Variants in ENTPD7 observed in about 807,000 individuals in gnomAD.
ENTPD7 encodes the protein NTPDase 7.
ENTPD7 carries 53 observed loss-of-function variants against 77.9 expected under a neutral mutation model. That is an observed-to-expected ratio of 0.68 (90% CI 0.55 to 0.85). ENTPD7 has a LOEUF of 0.85. ENTPD7 is among the 40% of genes least tolerant of loss of function. The pLI, the probability that ENTPD7 is intolerant of heterozygous loss-of-function variation, is 0.00. For missense variants in ENTPD7, 636 were observed against 743.7 expected (o/e 0.86, Z 1.68); for synonymous variants, 248 against 274.9 (o/e 0.90, Z 0.97).
rs183903669 is a variant in ENTPD7 at position 99,699,955 on chromosome 10, A to C, written c.1336-1018A>C. ...TCTTACAATTCTCTAGGGTTCTCTT[A>C]GTGTAAGGCTTCCAGCAAAATAATA... On this transcript the variant is annotated intron_variant, in intron 10 of 12. Transcript: ENST00000370489. Among the ~76,000 whole-genome samples the C allele has an allele frequency of 9.7e-5, 14 of 144,140 alleles. No individual in the cohort carries two copies. The East Asian group carries it at 2.9e-3, about 30-fold the overall frequency. The allele number at this position is 144,140 out of a possible 152,430, so 94.6% of individuals were successfully genotyped here.
chr10:99,679,567 G>A, intron 4 of ENTPD7, 101 bp downstream of exon 4: 1 of 1,430,928 alleles, frequency 7.0e-7, no homozygotes, highest in Non-Finnish European at 9.4e-7. Flanking sequence ...TGAGAGTCTG[G>A]GTAATGGGAG....
chr10:99,683,899 TA>T (rs2035781758), intron 5 of ENTPD7, among the ~76,000 whole-genome samples: 1 of 152,224 alleles, frequency 6.6e-6, no homozygotes. Context: ...TTCATTGTTA[TA>T]AATAATGCTG....
chr10:99,673,248 G>C (rs1272914557), intron 3 of ENTPD7, among the ~76,000 whole-genome samples: 3 of 152,128 alleles, frequency 2.0e-5, no homozygotes, highest in Non-Finnish European at 4.4e-5. Flanking sequence ...TGTGGCATCG[G>C]CAAAACAGGA....
At position 99,679,854 on chromosome 10, in the gene ENTPD7, G is replaced by A; in HGVS notation, c.527G>A (p.Gly176Asp). The stretch of plus-strand genomic sequence containing the variant: ...CCTCTTTACATCCTCTGCACAGCAG[G>A]CATGAGGCTTCTCCCTGAGAGGTGA... ...ETPLYILCTA[G>D]MRLLPERKQL... The change falls in exon 5 of 13, where the codon GGC becomes GAC. Residue 176 changes from glycine to aspartate, a missense_variant. Physicochemically the swap from Gly to Asp is moderately conservative, Grantham distance 94. Coordinates refer to ENST00000370489, the MANE Select transcript of ENTPD7 (RefSeq NM_020354.5). The A allele has an allele frequency of 6.2e-7, 1 of 1,612,472 alleles. No homozygotes were observed. Among genetic ancestry groups the A allele is most frequent in the Non-Finnish European group, 8.5e-7 (1 of 1,179,630 alleles).
At position 99,706,975 on chromosome 10, in the gene ENTPD7, A is replaced by G. The variant is rs1293352986; in HGVS notation, c.*2292A>G. ...TGGTTGGTCCAGTTTGAAAGCTCTT[A>G]TTAGTATTCTTCATCCTGGCTGTAA... On this transcript the variant is annotated 3_prime_UTR_variant, in exon 13 of 13. Coordinates refer to ENST00000370489, the MANE Select transcript of ENTPD7 (RefSeq NM_020354.5). 2.0e-5 allele frequency among the ~76,000 whole-genome samples: 3 copies of G among 152,262 alleles called. No homozygotes were observed. Among genetic ancestry groups the G allele is most frequent in the African/African-American group, 7.2e-5 (3 of 41,540 alleles).
rs1300721115 is a variant in ENTPD7, at chr10:99,708,395, T to C, written c.*3712T>C. On this transcript the variant is annotated 3_prime_UTR_variant, in exon 13 of 13. Coordinates refer to ENST00000370489, the MANE Select transcript of ENTPD7 (RefSeq NM_020354.5). ...TCAGGGATGAAAGACAAGTGAGTGG[T>C]ATCACTTAAGGGAAAGAACAGTAGG... is the stretch of plus-strand genomic sequence containing the variant. Among the ~76,000 whole-genome samples, 2 of 152,208 alleles carry C rather than the reference T, an allele frequency of 1.3e-5. No homozygotes were observed. Among genetic ancestry groups the C allele is most frequent in the African/African-American group, 4.8e-5 (2 of 41,450 alleles).
intron 9 of ENTPD7, among the ~76,000 whole-genome samples, chr10:99,698,194 C>T (rs1000448621): frequency 2.6e-5 from 4 of 152,172 alleles, no homozygotes; most frequent in Admixed American, 6.5e-5. Flanking sequence ...ATTAGAACCA[C>T]ACTCCGCACG....
Position 99,710,264 on chromosome 10 carries a change from A to G in ENTPD7, c.*5581A>G. 3.0e-6 allele frequency: 3 copies of G among 985,418 alleles called. No individual in the cohort carries two copies. The highest frequency in any genetic ancestry group is 2.4e-6 in the Non-Finnish European group (2 of 829,928). 61.0% of individuals were successfully genotyped at this position (985,418 alleles called of 1,614,324 possible). A position where few individuals can be genotyped will look rare whatever the true frequency, so the allele number is the denominator to read the frequency against. On this transcript the variant is annotated 3_prime_UTR_variant, in exon 13 of 13. Transcript: ENST00000370489. The stretch of plus-strand genomic sequence containing the variant: ...CTAGCTTCATAAATGTTTTTCTGCA[A>G]GCAGGGATCCCAGACACATACTTTG...
At position 99,706,713 on chromosome 10, in the gene ENTPD7, A is replaced by G. The variant is rs2036261111; in HGVS notation, c.*2030A>G. Among the ~76,000 whole-genome samples the G allele has an allele frequency of 6.6e-6, 1 of 152,062 alleles. No homozygotes were observed. The highest frequency in any genetic ancestry group is 6.5e-5 in the Admixed American group (1 of 15,268). ...TTCCTTTGGTTTTTAAGACTTCTAC[A>G]TTGCTTTTTCTTTTATTATCTGTGC... On this transcript the variant is annotated 3_prime_UTR_variant, in exon 13 of 13. Coordinates refer to ENST00000370489, the MANE Select transcript of ENTPD7 (RefSeq NM_020354.5).
At chr10:99,704,396 T>G in intron 12 of ENTPD7, 56 bp from the exon 13 acceptor site, 1 of 1,561,178 alleles carries the variant, frequency 6.4e-7, no homozygotes, top group South Asian at 1.1e-5. Context: ...TCAGTAAATG[T>G]CTCCCTTTGA....
intron 5 of ENTPD7, among the ~76,000 whole-genome samples, chr10:99,684,537 C>T (rs186253107): frequency 6.6e-6 from 1 of 152,134 alleles, no homozygotes. Context: ...TAACAATGAA[C>T]TTTTTTTAAG....
At chr10:99,684,904 AT>A (rs1396803679) in intron 5 of ENTPD7, among the ~76,000 whole-genome samples, 1 of 152,210 alleles carries the variant, frequency 6.6e-6, no homozygotes, top group Admixed American at 6.5e-5. Flanking sequence ...GGGTTTTCAA[AT>A]GGTAAGATTT....
At chr10:99,678,226 T>C (rs1048344393) in intron 3 of ENTPD7, among the ~76,000 whole-genome samples, 4 of 152,086 alleles carry the variant, frequency 2.6e-5, no homozygotes, top group Admixed American at 6.5e-5. Context: ...CCCAGCACTT[T>C]GGGAGGCTGA....
chr10:99,675,042 C>A (rs1024180940), intron 3 of ENTPD7, among the ~76,000 whole-genome samples: 1 of 152,170 alleles, frequency 6.6e-6, no homozygotes. Context: ...ATGAGGTAAA[C>A]CCAGCTGCTT....
intron 3 of ENTPD7, among the ~76,000 whole-genome samples, chr10:99,673,492 G>A (rs1013295572): frequency 1.3e-5 from 2 of 152,172 alleles, no homozygotes; most frequent in African/African-American, 2.4e-5. Flanking sequence ...GCCCAGAGGG[G>A]AAAACTGTTC....
intron 3 of ENTPD7, among the ~76,000 whole-genome samples, chr10:99,664,284 A>G (rs1019295396): frequency 6.6e-6 from 1 of 152,032 alleles, no homozygotes; most frequent in African/African-American, 2.4e-5. Flanking sequence ...CTTTAGAGAC[A>G]GAGTCTCACT....
intron 3 of ENTPD7, among the ~76,000 whole-genome samples, chr10:99,663,969 T>G (rs2035518363): frequency 6.6e-6 from 1 of 152,178 alleles, no homozygotes; most frequent in Non-Finnish European, 1.5e-5. Context: ...TTTCCAGTCT[T>G]TTTTCTCTCT....
chr10:99,664,988 C>T (rs371239477), intron 3 of ENTPD7, among the ~76,000 whole-genome samples: 153 of 151,960 alleles, frequency 1.0e-3, no homozygotes, highest in African/African-American at 3.1e-3. Flanking sequence ...TGGTGGCTCA[C>T]GCCTGTAATC....
chr10:99,667,803 T>G (rs1663518567), intron 3 of ENTPD7, among the ~76,000 whole-genome samples: 1 of 152,194 alleles, frequency 6.6e-6, no homozygotes, highest in African/African-American at 2.4e-5. Flanking sequence ...AGAGGAAATT[T>G]AATAAAGATA....
Sources: gnomAD v4.1 joint callset for allele counts (sites outside exome capture counted in the v4.1 genomes callset) on GRCh38, gnomAD v4.1.1 for gene constraint, MANE v1.5 for transcripts, NCBI Gene and HGNC (gene_info 2026-07-23, HGNC 2026-07-21) for gene names.